The following DEPTOR variants were observed in gnomAD, a reference collection of about 807,000 sequenced individuals.
The protein encoded by DEPTOR is DEP domain containing MTOR interacting protein.
In DEPTOR, 41 loss-of-function variants were observed where a neutral mutation model predicts 41.6. The ratio of observed to expected loss-of-function variants is 0.98; its 90% confidence interval spans 0.77 to 1.28. The LOEUF (loss-of-function observed/expected upper bound fraction) is 1.28. DEPTOR is among the 50% of genes most tolerant of loss of function. The pLI is 0.00. For missense variants in DEPTOR, 514 were observed against 527.9 expected, an observed-to-expected ratio of 0.97 and a Z score of 0.26; for synonymous variants, 195 against 192.3, an observed-to-expected ratio of 1.01 and a Z score of -0.12.
At chr8:119,975,533 T>C (rs1231268569) in intron 4 of DEPTOR, among the ~76,000 whole-genome samples, 2 of 152,022 alleles carry the variant, frequency 1.3e-5, no homozygotes, top group Non-Finnish European at 2.9e-5. Context: ...ATAGGAGACT[T>C]AGGGCAGAGA....
At chr8:119,965,095 C>A in intron 3 of DEPTOR, 137 bp from the exon 4 acceptor site, 1 of 930,578 alleles carries the variant, frequency 1.1e-6, no homozygotes, top group Non-Finnish European at 1.6e-6. Context: ...AAAGAAATTA[C>A]ATGTGTGGTG....
At chr8:119,952,145 G>A (rs1828361142) in intron 3 of DEPTOR, among the ~76,000 whole-genome samples, 1 of 151,682 alleles carries the variant, frequency 6.6e-6, no homozygotes, top group South Asian at 2.1e-4. Flanking sequence ...CAAAAAAAAA[G>A]AGGAAGTCAA....
intron 8 of DEPTOR, among the ~76,000 whole-genome samples, chr8:120,039,217 G>T (rs185541434): frequency 6.6e-6 from 1 of 152,172 alleles, no homozygotes; most frequent in Non-Finnish European, 1.5e-5. Context: ...GGACATAGAA[G>T]GTGCCATCTA....
rs772835073 is a variant in DEPTOR, at chr8:119,928,441, ATCATC to A, written c.168_172del (p.His56GlnfsTer14). On this transcript the variant is annotated frameshift_variant, in exon 2 of 9. Coordinates refer to ENST00000286234, the MANE Select transcript of DEPTOR (RefSeq NM_022783.4). LOFTEE classifies it high-confidence loss of function. ...GAAAAGGTTATTAAAGATAGACGTCATCATCTCAAGACCTACCCAAACTGTTTTGT... is the reference window on the plus strand; with the variant it reads ...GAAAAGGTTATTAAAGATAGACGTCATCAAGACCTACCCAAACTGTTTTGT... The A allele has an allele frequency of 2.1e-5, 34 of 1,614,048 alleles. No homozygotes were observed. The highest frequency in any genetic ancestry group is 2.7e-5 in the Non-Finnish European group (32 of 1,180,028).
chr8:120,039,867 CAG>C (rs1459072969), intron 8 of DEPTOR, among the ~76,000 whole-genome samples: 1 of 152,070 alleles, frequency 6.6e-6, no homozygotes, highest in Non-Finnish European at 1.5e-5. Context: ...TTTTTTGAGA[CAG>C]AGTCTCGCTC....
At chr8:119,957,975 A>T (rs1321169803) in intron 3 of DEPTOR, among the ~76,000 whole-genome samples, 1 of 152,138 alleles carries the variant, frequency 6.6e-6, no homozygotes, top group African/African-American at 2.4e-5. Flanking sequence ...GTGTTCATCC[A>T]TCATTCTGTT....
At chr8:119,937,178 G>T (rs956472680) in intron 3 of DEPTOR, among the ~76,000 whole-genome samples, 3 of 152,166 alleles carry the variant, frequency 2.0e-5, no homozygotes, top group Non-Finnish European at 2.9e-5. Context: ...GAGGCAGGCG[G>T]ATCACGAGGT....
At chr8:120,016,015 T>G (rs879498645) in intron 8 of DEPTOR, among the ~76,000 whole-genome samples, 5 of 152,170 alleles carry the variant, frequency 3.3e-5, no homozygotes, top group African/African-American at 4.8e-5. Flanking sequence ...TCTAATGGCC[T>G]CCATTTGCAT....
rs764663762 is a variant in DEPTOR at position 119,928,402 on chromosome 8, T to G, written c.125T>G (p.Leu42Arg). 105 of 1,611,136 alleles carry G rather than the reference T, an allele frequency of 6.5e-5. 1 individual carries two copies. In the South Asian group the frequency reaches 1.1e-3, roughly 16 times the overall value. ...EVLVTGEQLRLRLHEEKVIKD... is the reference protein window; with the variant it reads ...EVLVTGEQLRRRLHEEKVIKD... Reference sequence around the variant, plus strand: ...GTAATTGCTAATTTTTCTTTCAGGCTCAGGCTGCACGAAGAAAAGGTTATT... The same window carrying G: ...GTAATTGCTAATTTTTCTTTCAGGCGCAGGCTGCACGAAGAAAAGGTTATT... Residue 42 changes from leucine (L) to arginine (R), a missense_variant and splice_region_variant, in exon 2 of 9, where the codon CTC (leucine) becomes CGC (arginine). By Grantham distance (102) the Leu-to-Arg change is moderately radical. Coordinates refer to ENST00000286234, the MANE Select transcript of DEPTOR (RefSeq NM_022783.4).
intron 4 of DEPTOR, among the ~76,000 whole-genome samples, chr8:119,977,674 A>G (rs1016111957): frequency 6.6e-6 from 1 of 152,218 alleles, no homozygotes. Flanking sequence ...GGCACACAAT[A>G]AAGTATTGGT....
chr8:119,942,770 A>T (rs1828219944), intron 3 of DEPTOR, among the ~76,000 whole-genome samples: 2 of 152,218 alleles, frequency 1.3e-5, no homozygotes, highest in African/African-American at 4.8e-5. Flanking sequence ...TATTAGCAAG[A>T]CATTCAGCTT....
intron 1 of DEPTOR, among the ~76,000 whole-genome samples, chr8:119,904,414 C>T (rs1387667243): frequency 3.3e-5 from 5 of 151,988 alleles, no homozygotes; most frequent in African/African-American, 4.8e-5. Flanking sequence ...CCACTGCGCC[C>T]GGCGTAAACC....
At chr8:120,040,974 A>G (rs546821512) in intron 8 of DEPTOR, among the ~76,000 whole-genome samples, 1 of 152,112 alleles carries the variant, frequency 6.6e-6, no homozygotes, top group Non-Finnish European at 1.5e-5. Context: ...GTCATTTTCC[A>G]CATCTATTTG....
intron 3 of DEPTOR, among the ~76,000 whole-genome samples, chr8:119,935,367 G>A (rs1024133449): frequency 2.6e-5 from 4 of 152,186 alleles, no homozygotes; most frequent in African/African-American, 9.7e-5. Flanking sequence ...TAAGATGGTA[G>A]AAAGGGTTTT....
chr8:120,002,833 C>A, intron 5 of DEPTOR, 144 bp from the exon 6 acceptor site: 1 of 468,318 alleles, frequency 2.1e-6, no homozygotes, highest in South Asian at 5.9e-5. Context: ...AGTGGCAGAG[C>A]TGCAACTCAA....
intron 8 of DEPTOR, 33 bp downstream of exon 8, chr8:120,009,166 T>A: frequency 1.3e-6 from 2 of 1,588,184 alleles, no homozygotes; most frequent in Non-Finnish European, 1.7e-6. Flanking sequence ...CTCTTTTATA[T>A]CTGTCTTGGG....
chr8:119,967,871 T>C (rs983373990), intron 4 of DEPTOR, among the ~76,000 whole-genome samples: 8 of 152,142 alleles, frequency 5.3e-5, no homozygotes, highest in African/African-American at 1.9e-4. Context: ...CTAAAAATTA[T>C]TTGTTACTGT....
intron 4 of DEPTOR, among the ~76,000 whole-genome samples, chr8:119,976,833 G>C (rs988444350): frequency 6.6e-6 from 1 of 152,016 alleles, no homozygotes; most frequent in South Asian, 2.1e-4. Flanking sequence ...TGGGAGAATG[G>C]GGGTAGTTGT....
At chr8:120,003,365 G>T (rs750616398) in intron 6 of DEPTOR, among the ~76,000 whole-genome samples, 1 of 152,124 alleles carries the variant, frequency 6.6e-6, no homozygotes, top group Non-Finnish European at 1.5e-5. Flanking sequence ...CTTCCAAGTT[G>T]CCTGGAGTTG....
Sources: allele counts gnomAD v4.1 joint callset (sites outside exome capture counted in the v4.1 genomes callset), GRCh38; gene constraint gnomAD v4.1.1; transcripts MANE v1.5; gene names NCBI Gene and HGNC (gene_info 2026-07-23, HGNC 2026-07-21).